The following PTPRO variants were observed in gnomAD, a reference collection of about 807,000 sequenced individuals.
PTPRO encodes the protein protein tyrosine phosphatase receptor type O, also known as receptor-type tyrosine-protein phosphatase O.
In PTPRO, 62 loss-of-function variants were observed where a neutral mutation model predicts 145.2. The ratio of observed to expected loss-of-function variants is 0.43; its 90% CI spans 0.35 to 0.53. PTPRO has a LOEUF of 0.53. Ranked by LOEUF, PTPRO falls within the 20% of genes least tolerant of loss-of-function variation. The pLI is 0.01. For synonymous variants in PTPRO, 565 were observed against 514.7 expected, an observed-to-expected ratio of 1.10 and a Z score of -1.32; for missense variants, 1,345 against 1,482.7, an observed-to-expected ratio of 0.91 and a Z score of 1.53.
chr12:15,382,176 A>G (rs1284971118), intron 1 of PTPRO, among the ~76,000 whole-genome samples: 1 of 143,778 alleles, frequency 7.0e-6, no homozygotes, highest in Non-Finnish European at 1.5e-5. Flanking sequence ...ATATATATAT[A>G]TTTATATTTA....
At chr12:15,448,149 T>C (rs959621925) in intron 1 of PTPRO, among the ~76,000 whole-genome samples, 1 of 151,858 alleles carries the variant, frequency 6.6e-6, no homozygotes, top group Non-Finnish European at 1.5e-5. Flanking sequence ...GCCTATAAGA[T>C]ATCAAAATGC....
At chr12:15,407,293 A>G (rs1173885392) in intron 1 of PTPRO, among the ~76,000 whole-genome samples, 1 of 152,204 alleles carries the variant, frequency 6.6e-6, no homozygotes, top group Admixed American at 6.5e-5. Flanking sequence ...GCTATGTGAA[A>G]TTCAGTTTAT....
chr12:15,498,088 G>A (rs148044110), intron 3 of PTPRO, among the ~76,000 whole-genome samples: 1 of 149,878 alleles, frequency 6.7e-6, no homozygotes, highest in East Asian at 2.0e-4. Flanking sequence ...GTGGGGGTGG[G>A]AGGTAGGTAA....
At chr12:15,420,150 A>AG (rs1491020577) in intron 1 of PTPRO, among the ~76,000 whole-genome samples, 3 of 8,788 alleles carry the variant, frequency 3.4e-4, no homozygotes, top group Non-Finnish European at 1.1e-3. Context: ...CCGACTCAGA[A>AG]AAAAAAAAAA....
At chr12:15,518,109 T>G (rs368182128) in intron 9 of PTPRO, among the ~76,000 whole-genome samples, 1 of 152,258 alleles carries the variant, frequency 6.6e-6, no homozygotes, top group African/African-American at 2.4e-5. Context: ...ATACATTTTC[T>G]GAAATCTAGG....
intron 3 of PTPRO, among the ~76,000 whole-genome samples, chr12:15,498,801 A>G (rs1942160221): frequency 6.6e-6 from 1 of 152,212 alleles, no homozygotes; most frequent in African/African-American, 2.4e-5. Flanking sequence ...AAAATAATTA[A>G]TATAATCCCA....
chr12:15,462,492 T>A (rs1262104271), intron 1 of PTPRO, among the ~76,000 whole-genome samples: 1 of 152,188 alleles, frequency 6.6e-6, no homozygotes, highest in Non-Finnish European at 1.5e-5. Flanking sequence ...TGGTGCTCTG[T>A]GCTTTTAGTC....
chr12:15,359,608 G>A (rs1315361365), intron 1 of PTPRO, among the ~76,000 whole-genome samples: 1 of 151,416 alleles, frequency 6.6e-6, no homozygotes, highest in African/African-American at 2.4e-5. Context: ...TAGTAGAGAT[G>A]GAGTTTCACC....
At chr12:15,482,836 T>C (rs1191403822) in intron 1 of PTPRO, among the ~76,000 whole-genome samples, 1 of 152,076 alleles carries the variant, frequency 6.6e-6, no homozygotes, top group East Asian at 1.9e-4. Flanking sequence ...AGTTAAGAGA[T>C]GAAGACAAAT....
intron 1 of PTPRO, among the ~76,000 whole-genome samples, chr12:15,457,598 TA>T (rs1316130596): frequency 6.6e-6 from 1 of 152,122 alleles, no homozygotes; most frequent in African/African-American, 2.4e-5. Context: ...TAAAATTTTT[TA>T]TATTGATATT....
At chr12:15,454,143 G>C (rs543088407) in intron 1 of PTPRO, among the ~76,000 whole-genome samples, 1 of 152,044 alleles carries the variant, frequency 6.6e-6, no homozygotes, top group Non-Finnish European at 1.5e-5. Flanking sequence ...AATTGTGTAG[G>C]TACCTCCACA....
chr12:15,424,079 C>T (rs1180125183), intron 1 of PTPRO, among the ~76,000 whole-genome samples: 1 of 152,228 alleles, frequency 6.6e-6, no homozygotes, highest in African/African-American at 2.4e-5. Flanking sequence ...CAATTATCAG[C>T]ATCTTCTGGC....
chr12:15,388,792 C>T (rs1042402704), intron 1 of PTPRO, among the ~76,000 whole-genome samples: 3 of 152,088 alleles, frequency 2.0e-5, no homozygotes, highest in African/African-American at 7.2e-5. Flanking sequence ...AGCAAAGCTC[C>T]TTAAAATAAT....
intron 3 of PTPRO, among the ~76,000 whole-genome samples, 161 bp from the exon 4 acceptor site, chr12:15,499,281 G>GT (rs751673133): frequency 6.6e-6 from 1 of 152,082 alleles, no homozygotes; most frequent in Non-Finnish European, 1.5e-5. Flanking sequence ...GACATTCAAC[G>GT]TTTCATCTCT....
chr12:15,451,552 A>G (rs1389450637), intron 1 of PTPRO, among the ~76,000 whole-genome samples: 1 of 152,204 alleles, frequency 6.6e-6, no homozygotes, highest in Non-Finnish European at 1.5e-5. Context: ...CATTCTACTC[A>G]TCAGCACATG....
intron 1 of PTPRO, among the ~76,000 whole-genome samples, chr12:15,399,029 C>T (rs956781213): frequency 9.2e-5 from 14 of 152,168 alleles, no homozygotes; most frequent in African/African-American, 3.4e-4. Context: ...AGAAGGTGGT[C>T]GGACAGGATT....
At chr12:15,430,460 A>G (rs549004621) in intron 1 of PTPRO, among the ~76,000 whole-genome samples, 40 of 152,116 alleles carry the variant, frequency 2.6e-4, no homozygotes, top group Admixed American at 6.5e-4. Flanking sequence ...AAAAATTGAG[A>G]GTACAGAAGG....
intron 1 of PTPRO, among the ~76,000 whole-genome samples, chr12:15,441,427 A>G (rs769081643): frequency 6.6e-5 from 10 of 152,208 alleles, no homozygotes; most frequent in Non-Finnish European, 1.2e-4. Context: ...TTAACGATCT[A>G]ATATCACATC....
intron 1 of PTPRO, among the ~76,000 whole-genome samples, chr12:15,380,215 C>T (rs1938816356): frequency 6.6e-6 from 1 of 152,070 alleles, no homozygotes; most frequent in African/African-American, 2.4e-5. Flanking sequence ...TAATGGCACA[C>T]TTTAGATCCC....
Sources: gnomAD v4.1 joint callset for allele counts (sites outside exome capture counted in the v4.1 genomes callset) on GRCh38, gnomAD v4.1.1 for gene constraint, MANE v1.5 for transcripts, NCBI Gene and HGNC (gene_info 2026-07-23, HGNC 2026-07-21) for gene names.